REPIN1: variants seen among roughly 807,000 people sequenced by gnomAD.
REPIN1 encodes replication initiator 1.
A neutral mutation model predicts 5.7 loss-of-function variants in REPIN1; 4 were observed. The ratio of observed to expected loss-of-function variants is 0.71; its 90% CI spans 0.35 to 1.62. REPIN1 has a LOEUF of 1.62. Among genes scored for constraint, REPIN1 ranks in the 40% most tolerant of loss-of-function variants. The pLI, the probability that REPIN1 is intolerant of heterozygous loss-of-function variation, is 0.05. For synonymous variants in REPIN1, 410 were observed against 386.2 expected, an observed-to-expected ratio of 1.06 and a Z score of -0.72; for missense variants, 854 against 901.0, an observed-to-expected ratio of 0.95 and a Z score of 0.67.
At position 150,372,908 on chromosome 7, in the gene REPIN1, A is replaced by C. The variant is rs771673279; in HGVS notation, c.1838A>C (p.Glu613Ala). The change falls in exon 3 of 3, where the codon GAG (glutamate) becomes GCG (alanine). Residue 613 changes from glutamate (E) to alanine (A), a missense_variant. Transcript: ENST00000489432. Reference protein sequence around the residue: ...AICGQTFDDEERLLAHQKKHD... With the variant: ...AICGQTFDDEARLLAHQKKHD... ...TGTGGCCAGACCTTCGACGACGAGG[A>C]GAGACTCCTGGCCCACCAGAAGAAG... The C allele has an allele frequency of 1.2e-6, 2 of 1,613,398 alleles. No individual in the cohort carries two copies. Among genetic ancestry groups the C allele is most frequent in the Non-Finnish European group, 1.7e-6 (2 of 1,180,002 alleles).
rs751215558 is a variant in REPIN1 at position 150,372,580 on chromosome 7, G to A, written c.1510G>A (p.Ala504Thr). ...GRRFSQGSHL[A>T]AHRRDHAPDR... ...CCGCTTCTCCCAGGGCAGCCATCTG[G>A]CGGCGCATCGGCGCGACCACGCCCC... The change falls in exon 3 of 3, where the codon GCG becomes ACG. Residue 504 changes from alanine to threonine, a missense_variant. Physicochemically the swap from Ala to Thr is moderately conservative, Grantham distance 58. This residue lies in a region of REPIN1 where 327 missense variants were observed against 307.8 expected (regional missense o/e 1.06). Coordinates refer to ENST00000489432, the MANE Select transcript of REPIN1 (RefSeq NM_001099695.2). 1 of 1,602,046 alleles carries A rather than the reference G, an allele frequency of 6.2e-7. No homozygotes were observed. The highest frequency in any genetic ancestry group is 8.5e-7 in the Non-Finnish European group (1 of 1,176,782).
Position 150,371,397 on chromosome 7 carries a change from C to T in REPIN1, c.327C>T (p.Ala109=), listed in dbSNP as rs375551570. 12 of 1,597,884 alleles carry T rather than the reference C, an allele frequency of 7.5e-6. No homozygotes were observed. Among genetic ancestry groups the T allele is most frequent in the Non-Finnish European group, 9.4e-6 (11 of 1,173,656 alleles). ...CAGTGGCCCAGTCTGGTGCCCAAGC[C>T]CCAGGCAGGGCCCATCGCTGTGCCC... The part of the protein sequence containing the change: ...GTSVAQSGAQ[A]PGRAHRCAHC... The change falls in exon 3 of 3, where the codon GCC becomes GCT. Residue 109 remains alanine (A), a synonymous_variant. Transcript: ENST00000489432.
Position 150,372,832 on chromosome 7 carries a change from A to T in REPIN1, c.1762A>T (p.Ile588Phe). 1 of 1,612,558 alleles carries T rather than the reference A, an allele frequency of 6.2e-7. No homozygotes were observed. Among genetic ancestry groups the T allele is most frequent in the Non-Finnish European group, 8.5e-7 (1 of 1,179,920 alleles). ...CAGCTTCAGCCAGAAGTCCAACCTC[A>T]TCACCCACCGCAAGAGCCACATCCG... ...DRSFSQKSNL[I>F]THRKSHIRDG... The change falls in exon 3 of 3, where the codon ATC (isoleucine) becomes TTC (phenylalanine). Residue 588 changes from isoleucine to phenylalanine, a missense_variant. This residue lies in a region of REPIN1 where 101 missense variants were observed against 124.7 expected (regional missense o/e 0.81). Transcript: ENST00000489432.
Position 150,372,365 on chromosome 7 carries a change from A to G in REPIN1, c.1295A>G (p.Tyr432Cys), listed in dbSNP as rs1390775434. The G allele has an allele frequency of 9.4e-6, 14 of 1,495,494 alleles. No homozygotes were observed. The Middle Eastern group carries it at 6.9e-4, about 74-fold the overall frequency. 92.6% of individuals were successfully genotyped at this position (1,495,494 alleles called of 1,614,324 possible). ...QDPIEAPPSL[Y>C]SCDDCGRSFR... ...CCGATCGAAGCCCCCCCCTCCCTCT[A>G]CAGCTGCGACGACTGCGGCAGGAGC... is the stretch of plus-strand genomic sequence containing the variant. The change falls in exon 3 of 3, where the codon TAC becomes TGC. Residue 432 changes from tyrosine to cysteine, a missense_variant. Tyr to Cys is a radical substitution (Grantham distance 194). Transcript: ENST00000489432.
Sources: allele counts gnomAD v4.1 joint callset, GRCh38; gene constraint gnomAD v4.1.1; regional missense constraint gnomAD v4.1.1; transcripts MANE v1.5; gene names NCBI Gene and HGNC (gene_info 2026-07-23, HGNC 2026-07-21).